CHL1: variants seen among roughly 807,000 people sequenced by gnomAD.
CHL1 encodes neural cell adhesion molecule L1-like protein.
A neutral mutation model predicts 141.9 loss-of-function variants in CHL1; 96 were observed. That is an observed-to-expected ratio of 0.68 (90% CI 0.57 to 0.80). The LOEUF is 0.80. Ranked by LOEUF, CHL1 falls within the 30% of genes least tolerant of loss-of-function variation. The pLI, the probability that CHL1 is intolerant of heterozygous loss-of-function variation, is 0.00. For missense variants in CHL1, 1,820 were observed against 1,457.2 expected (o/e 1.25, Z -4.05); for synonymous variants, 613 against 502.2 (o/e 1.22, Z -2.95).
intron 3 of CHL1, among the ~76,000 whole-genome samples, chr3:322,629 TTATA>T (rs1230701245): frequency 8.3e-6 from 1 of 119,894 alleles, no homozygotes; most frequent in Admixed American, 8.8e-5. Context: ...CATCTCTAAA[TTATA>T]TATATATATA....
At chr3:226,462 G>C (rs971353069) in intron 1 of CHL1, among the ~76,000 whole-genome samples, 2 of 147,460 alleles carry the variant, frequency 1.4e-5, no homozygotes, top group African/African-American at 5.0e-5. Flanking sequence ...TTTTTTCTGA[G>C]ACGGAGTTTT....
intron 5 of CHL1, among the ~76,000 whole-genome samples, chr3:339,476 G>C (rs1048632185): frequency 1.6e-4 from 24 of 152,112 alleles, no homozygotes; most frequent in Admixed American, 1.6e-3. Context: ...TTTCTAAAAG[G>C]AATCTTATAG....
At chr3:347,639 A>T (rs1186739397) in intron 9 of CHL1, among the ~76,000 whole-genome samples, 3 of 152,190 alleles carry the variant, frequency 2.0e-5, no homozygotes, top group Non-Finnish European at 4.4e-5. Context: ...CTCTTGAAAA[A>T]ATCCTGTTTT....
At chr3:297,556 G>A (rs1698305464) in intron 2 of CHL1, among the ~76,000 whole-genome samples, 2 of 152,088 alleles carry the variant, frequency 1.3e-5, no homozygotes. Context: ...AATCAATGGA[G>A]TATACAACAT....
chr3:358,839 G>C (rs1703949018), intron 11 of CHL1, among the ~76,000 whole-genome samples: 1 of 151,732 alleles, frequency 6.6e-6, no homozygotes, highest in Non-Finnish European at 1.5e-5. Context: ...GAGACAATCA[G>C]AAAAGTAGAA....
At chr3:285,087 A>C (rs1697010132) in intron 2 of CHL1, among the ~76,000 whole-genome samples, 1 of 152,238 alleles carries the variant, frequency 6.6e-6, no homozygotes, top group South Asian at 2.1e-4. Flanking sequence ...TTGTGTGTTT[A>C]AACATGCTTA....
rs927259567 is a variant in CHL1 at position 251,656 on chromosome 3, T to C, written c.-95+6964T>C. ...AAGCAAATGTAAAGCTGGAAATTTCTGTCTAGATATCATGGGAAGCCTATA... is the reference window on the plus strand; with the variant it reads ...AAGCAAATGTAAAGCTGGAAATTTCCGTCTAGATATCATGGGAAGCCTATA... On this transcript the variant is annotated intron_variant, in intron 2 of 27. Coordinates refer to ENST00000256509, the MANE Select transcript of CHL1 (RefSeq NM_006614.4). Among the ~76,000 whole-genome samples the C allele has an allele frequency of 2.0e-5, 3 of 152,184 alleles. No individual in the cohort carries two copies. In the South Asian group the frequency reaches 6.2e-4, roughly 32 times the overall value.
chr3:366,115 G>A lies in CHL1; in HGVS notation c.1751G>A (p.Arg584Lys). The A allele has an allele frequency of 6.2e-7, 1 of 1,612,456 alleles. No individual in the cohort carries two copies. The highest frequency in any genetic ancestry group is 8.5e-7 in the Non-Finnish European group (1 of 1,179,152). ...AFEINGTEDG[R>K]IIIDGANLTI... The stretch of plus-strand genomic sequence containing the variant: ...GAAATTAATGGCACAGAAGATGGCA[G>A]GTAGGTAAACTATTATGATATGTCA... Residue 584 changes from arginine to lysine, a missense_variant and splice_region_variant, in exon 15 of 28, where the codon AGG (arginine) becomes AAG (lysine). Coordinates refer to ENST00000256509, the MANE Select transcript of CHL1 (RefSeq NM_006614.4).
intron 5 of CHL1, among the ~76,000 whole-genome samples, chr3:337,007 C>T (rs1489121210): frequency 6.6e-6 from 1 of 151,742 alleles, no homozygotes; most frequent in Non-Finnish European, 1.5e-5. Context: ...TTAGTTGTTG[C>T]TAGAAATCTG....
intron 2 of CHL1, among the ~76,000 whole-genome samples, chr3:289,704 T>C (rs1048549262): frequency 6.6e-6 from 1 of 151,988 alleles, no homozygotes; most frequent in Non-Finnish European, 1.5e-5. Flanking sequence ...TACATTTATT[T>C]AATACATATT....
intron 2 of CHL1, among the ~76,000 whole-genome samples, chr3:257,227 TA>T (rs551632601): frequency 1.7e-3 from 261 of 152,128 alleles, no homozygotes; most frequent in Non-Finnish European, 2.6e-3. Flanking sequence ...ATAAAGCATT[TA>T]AAAAAAATTT....
intron 2 of CHL1, among the ~76,000 whole-genome samples, chr3:310,592 G>A (rs974249155): frequency 6.6e-6 from 1 of 152,084 alleles, no homozygotes; most frequent in Middle Eastern, 3.4e-3. Context: ...TCATTTTTTA[G>A]TGTTGTTTTA....
At chr3:373,339 G>A (rs1256041027) in intron 15 of CHL1, among the ~76,000 whole-genome samples, 1 of 152,234 alleles carries the variant, frequency 6.6e-6, no homozygotes, top group Non-Finnish European at 1.5e-5. Flanking sequence ...CCCACCCAAG[G>A]AGGAATGATG....
At chr3:214,496 A>G (rs553734096) in intron 1 of CHL1, among the ~76,000 whole-genome samples, 1 of 152,348 alleles carries the variant, frequency 6.6e-6, no homozygotes, top group South Asian at 2.1e-4. Context: ...GTTACGTGCT[A>G]CGTTATCAAT....
intron 1 of CHL1, among the ~76,000 whole-genome samples, chr3:238,257 A>G (rs1411630468): frequency 1.3e-5 from 2 of 152,142 alleles, no homozygotes; most frequent in Non-Finnish European, 2.9e-5. Flanking sequence ...ATGTTAGCTG[A>G]TGACCAAAAA....
chr3:236,899 A>AAG, intron 1 of CHL1, among the ~76,000 whole-genome samples: 1 of 151,512 alleles, frequency 6.6e-6, no homozygotes, highest in Non-Finnish European at 1.5e-5. Context: ...AAAAAAAAAA[A>AAG]CCTTGTAAAT....
At chr3:376,176 G>A (rs1434266558) in intron 15 of CHL1, among the ~76,000 whole-genome samples, 1 of 152,192 alleles carries the variant, frequency 6.6e-6, no homozygotes, top group African/African-American at 2.4e-5. Context: ...GGAACATAAT[G>A]TGAGGGAGGA....
chr3:236,694 T>A (rs1435788798), intron 1 of CHL1, among the ~76,000 whole-genome samples: 4 of 145,600 alleles, frequency 2.7e-5, no homozygotes, highest in African/African-American at 8.5e-5. Context: ...ACATTTTCTG[T>A]GGCCCTTAAC....
At chr3:362,171 C>T (rs1704324727) in intron 13 of CHL1, among the ~76,000 whole-genome samples, 1 of 152,154 alleles carries the variant, frequency 6.6e-6, no homozygotes, top group Non-Finnish European at 1.5e-5. Context: ...AAATGATTAT[C>T]TAAGCTCGAA....
Sources: allele counts gnomAD v4.1 joint callset (sites outside exome capture counted in the v4.1 genomes callset), GRCh38; gene constraint gnomAD v4.1.1; transcripts MANE v1.5; gene names NCBI Gene and HGNC (gene_info 2026-07-23, HGNC 2026-07-21).